IGSF9B: variants seen among roughly 807,000 people sequenced by gnomAD.
The protein encoded by IGSF9B is protein turtle homolog B.
In IGSF9B, 48 loss-of-function variants were observed where a neutral mutation model predicts 143.7. The ratio of observed to expected loss-of-function variants is 0.33; its 90% confidence interval spans 0.26 to 0.42. The LOEUF is 0.42. IGSF9B is among the 20% of genes least tolerant of loss of function. The pLI, the probability that IGSF9B is intolerant of heterozygous loss-of-function variation, is 1.00. For missense variants in IGSF9B, 1,706 were observed against 1,980.0 expected (o/e 0.86, Z 2.63); for synonymous variants, 903 against 833.1 (o/e 1.08, Z -1.44).
chr11:133,920,340 G>A lies in IGSF9B; in HGVS notation c.3385C>T (p.Leu1129=). Reference sequence around the variant, plus strand: ...TGTCGCAGCTGCCCTTGGCTTACCAGAGGTTGCATAGGTCTGTCCTGCCAC... The same window carrying A: ...TGTCGCAGCTGCCCTTGGCTTACCAAAGGTTGCATAGGTCTGTCCTGCCAC... ...AKWQDRPMQP[L]VSQGQLRHTS... is the part of the protein sequence containing the mutation. Residue 1129 remains leucine, a synonymous_variant, in exon 18 of 20, where the codon CTG becomes TTG. Coordinates refer to ENST00000533871, the MANE Select transcript of IGSF9B (RefSeq NM_001277285.4). 1.9e-6 allele frequency: 3 copies of A among 1,599,742 alleles called. No homozygotes were observed. Among genetic ancestry groups the A allele is most frequent in the Non-Finnish European group, 2.6e-6 (3 of 1,173,120 alleles).
intron 1 of IGSF9B, among the ~76,000 whole-genome samples, chr11:133,950,751 C>G (rs1940143194): frequency 6.6e-6 from 1 of 152,240 alleles, no homozygotes. Flanking sequence ...TCTGAGGAGC[C>G]TGGCCTTCTG....
chr11:133,947,011 C>A (rs1010881536), intron 1 of IGSF9B, among the ~76,000 whole-genome samples: 10 of 152,200 alleles, frequency 6.6e-5, no homozygotes, highest in Non-Finnish European at 7.4e-5. Context: ...AGGATGCTGG[C>A]GACAGAGGAG....
At position 133,905,701 on chromosome 11, in the gene IGSF9B, A is replaced by G. The variant is rs1458595012; in HGVS notation, c.*3368T>C. On this transcript the variant is annotated 3_prime_UTR_variant, in exon 20 of 20. Coordinates refer to ENST00000533871, the MANE Select transcript of IGSF9B (RefSeq NM_001277285.4). This position sits in a 1 kb window ranked among gnomAD's most constrained non-coding sequence, Gnocchi z 4.0. ...TTCCTGCTAAGAAAGTAGGATCTCA[A>G]AAGGCCTGTCCTACCCCCAGTCTCT... 6.6e-6 allele frequency among the ~76,000 whole-genome samples: 1 copy of G among 152,170 alleles called. No individual in the cohort carries two copies. Among genetic ancestry groups the G allele is most frequent in the Non-Finnish European group, 1.5e-5 (1 of 68,028 alleles).
In IGSF9B at chr11:133,901,992, TCACACA is replaced by T. The variant is rs774684363; in HGVS notation, c.*7071_*7076del. ...ATCACACACATGCACACCAGACACA[TCACACA>T]CACACACACACCAGACATACACACA... On this transcript the variant is annotated 3_prime_UTR_variant, in exon 20 of 20. Coordinates refer to ENST00000533871, the MANE Select transcript of IGSF9B (RefSeq NM_001277285.4). 2.0e-5 allele frequency among the ~76,000 whole-genome samples: 2 copies of T among 99,164 alleles called. No homozygotes were observed. Among genetic ancestry groups the T allele is most frequent in the Admixed American group, 2.0e-4 (2 of 10,102 alleles). 65.1% of individuals were successfully genotyped at this position (99,164 alleles called of 152,430 possible).
At position 133,920,425 on chromosome 11, in the gene IGSF9B, C is replaced by T. The variant is rs547101320; in HGVS notation, c.3300G>A (p.Pro1100=). Residue 1100 remains proline, a synonymous_variant, in exon 18 of 20, where the codon CCG becomes CCA. Coordinates refer to ENST00000533871, the MANE Select transcript of IGSF9B (RefSeq NM_001277285.4). ...AYPGILSLEA[P]KGWAGKSPGR... ...CGGGCGACTTGCCTGCCCAACCCTTCGGTGCCTCCAGAGACAGGATGCCCG... is the reference window on the plus strand; with the variant it reads ...CGGGCGACTTGCCTGCCCAACCCTTTGGTGCCTCCAGAGACAGGATGCCCG... The T allele has an allele frequency of 1.9e-5, 30 of 1,583,376 alleles. No homozygotes were observed. The East Asian group carries it at 3.8e-4, about 20-fold the overall frequency.
chr11:133,932,605 GCAGA>G (rs1247549243), intron 7 of IGSF9B, among the ~76,000 whole-genome samples: 3 of 40,730 alleles, frequency 7.4e-5, no homozygotes, highest in Admixed American at 3.7e-4. Context: ...AGGTGGGAGA[GCAGA>G]CAGACAGACA....
chr11:133,919,928 C>G lies in IGSF9B; in HGVS notation c.3797G>C (p.Ser1266Thr). ...GCCCATGGCGGGCCGGTAGCTGGGACTCCCACTGCGGCTGCTCTGGGAGGG... is the reference window on the plus strand; with the variant it reads ...GCCCATGGCGGGCCGGTAGCTGGGAGTCCCACTGCGGCTGCTCTGGGAGGG... ...GSPSQSSRSG[S>T]PSYRPAMGFT... Residue 1266 changes from serine to threonine, a missense_variant, in exon 18 of 20, where the codon AGT (serine) becomes ACT (threonine). Around this residue, in one of 7 missense-constraint regions of IGSF9B, gnomAD observed 880 missense variants for 762.9 expected, o/e 1.15. Coordinates refer to ENST00000533871, the MANE Select transcript of IGSF9B (RefSeq NM_001277285.4). The G allele has an allele frequency of 6.4e-7, 1 of 1,559,320 alleles. No homozygotes were observed. The highest frequency in any genetic ancestry group is 2.3e-5 in the East Asian group (1 of 44,116).
Position 133,898,479 on chromosome 11 carries a change from C to T in IGSF9B, c.*10590G>A, listed in dbSNP as rs1474029891. 6.5e-6 allele frequency: 1 copy of T among 154,374 alleles called. No homozygotes were observed. The highest frequency in any genetic ancestry group is 1.5e-5 in the Non-Finnish European group (1 of 68,246). The allele number at this position is 154,374 out of a possible 1,614,324, so 9.6% of individuals were successfully genotyped here. A position where few individuals can be genotyped will look rare whatever the true frequency, so the allele number is the denominator to read the frequency against. On this transcript the variant is annotated 3_prime_UTR_variant, in exon 20 of 20. Transcript: ENST00000533871. Reference sequence around the variant, plus strand: ...ATTCTATCCTGCATGATCAAAGTCCCTCCTGGGGAAGAGAAAAACACTGAA... The same window carrying T: ...ATTCTATCCTGCATGATCAAAGTCCTTCCTGGGGAAGAGAAAAACACTGAA...
At position 133,920,466 on chromosome 11, in the gene IGSF9B, C is replaced by A. The variant is rs1314215952; in HGVS notation, c.3259G>T (p.Val1087Leu). ...AGGATGCCCGGGTAGGCCGCGGGCA[C>A]CTGCAGGGAGGTGGGGGGCAGTCCT... is the stretch of plus-strand genomic sequence containing the variant. Reference protein sequence around the residue: ...PRGLPPTSLQVPAAYPGILSL... With the variant: ...PRGLPPTSLQLPAAYPGILSL... The change falls in exon 18 of 20, where the codon GTG (valine) becomes TTG (leucine). Residue 1087 changes from valine (V) to leucine (L), a missense_variant. By Grantham distance (32) the Val-to-Leu change is conservative. Around this residue, in one of 7 missense-constraint regions of IGSF9B, gnomAD observed 880 missense variants for 762.9 expected, o/e 1.15. Coordinates refer to ENST00000533871, the MANE Select transcript of IGSF9B (RefSeq NM_001277285.4). The A allele has an allele frequency of 1.3e-6, 2 of 1,568,922 alleles. No homozygotes were observed. The highest frequency in any genetic ancestry group is 1.8e-5 in the Admixed American group (1 of 55,824).
At position 133,913,856 on chromosome 11, in the gene IGSF9B, G is replaced by A. The variant is rs1473688049; in HGVS notation, c.3984-1849C>T. Among the ~76,000 whole-genome samples the A allele has an allele frequency of 6.6e-6, 1 of 152,340 alleles. No homozygotes were observed. Among genetic ancestry groups the A allele is most frequent in the African/African-American group, 2.4e-5 (1 of 41,572 alleles). ...CATGCTGCCTAGAAGGAAAGTTAATGTGAATCCACCTGTTCAGTCGATCTC... is the reference window on the plus strand; with the variant it reads ...CATGCTGCCTAGAAGGAAAGTTAATATGAATCCACCTGTTCAGTCGATCTC... On this transcript the variant is annotated intron_variant, in intron 18 of 19. Transcript: ENST00000533871. This position sits in a 1 kb window ranked among gnomAD's most constrained non-coding sequence, Gnocchi z 4.6.
At chr11:133,912,414 T>C in intron 18 of IGSF9B, 1 of 457,596 alleles carries the variant, frequency 2.2e-6, no homozygotes, top group South Asian at 1.6e-5. Flanking sequence ...AAGGGCATAT[T>C]AGAGCAGGGG....
At chr11:133,917,077 G>C (rs933515552) in intron 18 of IGSF9B, among the ~76,000 whole-genome samples, 1 of 152,162 alleles carries the variant, frequency 6.6e-6, no homozygotes, top group African/African-American at 2.4e-5. Flanking sequence ...CCCTGGTTAG[G>C]AAAGTGAACC....
chr11:133,950,584 C>T (rs1360461452), intron 1 of IGSF9B, among the ~76,000 whole-genome samples: 3 of 152,258 alleles, frequency 2.0e-5, no homozygotes, highest in Non-Finnish European at 4.4e-5. Context: ...CAAGGCCTTT[C>T]ACCCACTGAG....
Position 133,920,215 on chromosome 11 carries a change from C to A in IGSF9B, c.3510G>T (p.Trp1170Cys). 6.6e-7 allele frequency: 1 copy of A among 1,515,746 alleles called. No homozygotes were observed. The highest frequency in any genetic ancestry group is 8.8e-7 in the Non-Finnish European group (1 of 1,132,510). The allele number at this position is 1,515,746 out of a possible 1,614,324, so 93.9% of individuals were successfully genotyped here. The change falls in exon 18 of 20, where the codon TGG (tryptophan) becomes TGT (cysteine). Residue 1170 changes from tryptophan (W) to cysteine (C), a missense_variant. Trp to Cys is a radical substitution (Grantham distance 215). Around this residue, in one of 7 missense-constraint regions of IGSF9B, gnomAD observed 880 missense variants for 762.9 expected, o/e 1.15. Coordinates refer to ENST00000533871, the MANE Select transcript of IGSF9B (RefSeq NM_001277285.4). ...GPSTFGLDTRWYEPQPRPRPS... is the reference protein window; with the variant it reads ...GPSTFGLDTRCYEPQPRPRPS... ...GCCGGGGCCGGGGCTGGGGCTCATACCACCGGGTGTCCAGGCCAAATGTGC... is the reference window on the plus strand; with the variant it reads ...GCCGGGGCCGGGGCTGGGGCTCATAACACCGGGTGTCCAGGCCAAATGTGC...
chr11:133,915,084 A>G (rs1939356195), intron 18 of IGSF9B, among the ~76,000 whole-genome samples: 2 of 152,120 alleles, frequency 1.3e-5, no homozygotes, highest in African/African-American at 4.8e-5. Flanking sequence ...TTAAGGTCAC[A>G]GTTCTCTTCC....
chr11:133,930,355 C>T (rs1214335669), intron 11 of IGSF9B, among the ~76,000 whole-genome samples: 3 of 152,156 alleles, frequency 2.0e-5, no homozygotes, highest in Admixed American at 1.3e-4. Flanking sequence ...TCGCACCTCC[C>T]GAGTTGTGAA....
chr11:133,901,047 C>T lies in IGSF9B; in HGVS notation c.*8022G>A, dbSNP rs1438906497. ...CAGTTTTCATCTCCTCAGCCTTGCC[C>T]TGTTAAGCCCCTCTGCAAAGAAGTT... On this transcript the variant is annotated 3_prime_UTR_variant, in exon 20 of 20. Coordinates refer to ENST00000533871, the MANE Select transcript of IGSF9B (RefSeq NM_001277285.4). 1 of 152,248 alleles carries T rather than the reference C, an allele frequency of 6.6e-6. No individual in the cohort carries two copies. Among genetic ancestry groups the T allele is most frequent in the Non-Finnish European group, 1.5e-5 (1 of 68,056 alleles). The allele number at this position is 152,248 out of a possible 1,614,324, so 9.4% of individuals were successfully genotyped here.
intron 5 of IGSF9B, among the ~76,000 whole-genome samples, chr11:133,936,798 G>T (rs1203155114): frequency 6.6e-6 from 1 of 152,210 alleles, no homozygotes; most frequent in Non-Finnish European, 1.5e-5. Context: ...GGGCTGGGGA[G>T]GCTAAGCCGG....
intron 7 of IGSF9B, among the ~76,000 whole-genome samples, chr11:133,933,734 C>G (rs1939773539): frequency 6.6e-6 from 1 of 152,096 alleles, no homozygotes; most frequent in African/African-American, 2.4e-5. Context: ...GGTGACACAG[C>G]AGGACCCTGG....
Sources: allele counts gnomAD v4.1 joint callset (sites outside exome capture counted in the v4.1 genomes callset), GRCh38; gene constraint gnomAD v4.1.1; regional missense constraint gnomAD v4.1.1; non-coding constraint Gnocchi (gnomAD v3.1); transcripts MANE v1.5; gene names NCBI Gene and HGNC (gene_info 2026-07-23, HGNC 2026-07-21).